The following ABCC4 variants were observed in gnomAD, a reference collection of about 807,000 sequenced individuals.
ABCC4 encodes the protein ATP binding cassette subfamily C member 4 (PEL blood group).
Under a neutral mutation model 168.5 loss-of-function variants are expected in ABCC4, and 102 were observed. That is an observed-to-expected ratio of 0.61 (90% CI 0.52 to 0.71). The LOEUF (loss-of-function observed/expected upper bound fraction) is 0.71, where lower values mean the gene tolerates loss of function less well. Ranked by LOEUF, ABCC4 falls within the 30% of genes least tolerant of loss-of-function variation. The pLI, the probability that ABCC4 is intolerant of heterozygous loss-of-function variation, is 0.00. For synonymous variants in ABCC4, 617 were observed against 590.7 expected (o/e 1.04, Z -0.65); for missense variants, 1,402 against 1,605.8 (o/e 0.87, Z 2.17).
At position 95,149,348 on chromosome 13, in the gene ABCC4, T is replaced by C. The variant is rs138480638; in HGVS notation, c.2455+11841A>G. Among the ~76,000 whole-genome samples the C allele has an allele frequency of 3.8e-3, 572 of 152,328 alleles. 4 individuals are homozygous for C. Among genetic ancestry groups the C allele is most frequent in the African/African-American group, 0.013 (549 of 41,584 alleles). ...CAATACAGTTCATTGGTAGAACTTA[T>C]TAAACTATACTTGACTCCCTTTTCA... On this transcript the variant is annotated intron_variant, in intron 19 of 30. Transcript: ENST00000645237.
chr13:95,202,565 CAATT>C (rs1480609292), intron 8 of ABCC4, among the ~76,000 whole-genome samples: 1 of 151,412 alleles, frequency 6.6e-6, no homozygotes, highest in African/African-American at 2.4e-5. Context: ...GCTCTTTGCC[CAATT>C]ATTTTTTATG....
intron 1 of ABCC4, among the ~76,000 whole-genome samples, chr13:95,256,032 A>C (rs2040383292): frequency 6.6e-6 from 1 of 152,238 alleles, no homozygotes; most frequent in South Asian, 2.1e-4. Flanking sequence ...TTCCTTAAAA[A>C]AAGATGCACT....
chr13:95,270,068 G>C (rs764339014), intron 1 of ABCC4, among the ~76,000 whole-genome samples: 10 of 152,116 alleles, frequency 6.6e-5, no homozygotes, highest in African/African-American at 1.4e-4. Context: ...GAGGATAAAG[G>C]AAGGGAGGGA....
At chr13:95,201,594 T>C (rs1418471965) in intron 8 of ABCC4, among the ~76,000 whole-genome samples, 1 of 152,122 alleles carries the variant, frequency 6.6e-6, no homozygotes. Context: ...GGGAAAGAAA[T>C]CTATAAACAA....
chr13:95,257,925 T>C (rs1256215684), intron 1 of ABCC4, among the ~76,000 whole-genome samples: 1 of 152,202 alleles, frequency 6.6e-6, no homozygotes, highest in African/African-American at 2.4e-5. Flanking sequence ...GTGTCTTTAA[T>C]TTAAGACATG....
At chr13:95,243,508 C>T (rs916772623) in intron 3 of ABCC4, among the ~76,000 whole-genome samples, 1 of 152,274 alleles carries the variant, frequency 6.6e-6, no homozygotes. Context: ...GTCTTAACAG[C>T]GTGGATGTTG....
intron 19 of ABCC4, among the ~76,000 whole-genome samples, chr13:95,136,464 C>T (rs74819421): frequency 0.01 from 1,531 of 152,278 alleles, 12 homozygotes; most frequent in Non-Finnish European, 0.016. Flanking sequence ...CAGATCTCAA[C>T]TTTGAAAAAA....
chr13:95,177,882 A>G, intron 12 of ABCC4, 89 bp from the exon 13 acceptor site: 1 of 1,503,238 alleles, frequency 6.7e-7, no homozygotes, highest in Non-Finnish European at 9.2e-7. Flanking sequence ...CAACAGAATA[A>G]CCCAAGAAGG....
At chr13:95,248,849 C>A (rs1355209018) in intron 1 of ABCC4, among the ~76,000 whole-genome samples, 1 of 152,114 alleles carries the variant, frequency 6.6e-6, no homozygotes, top group East Asian at 1.9e-4. Context: ...AAGCTCGAGA[C>A]CAGCCCGGCA....
intron 26 of ABCC4, among the ~76,000 whole-genome samples, chr13:95,062,195 A>G (rs1375263872): frequency 6.6e-6 from 1 of 152,186 alleles, no homozygotes; most frequent in Middle Eastern, 3.2e-3. Flanking sequence ...CCTGGTTAAA[A>G]TCATTCACCA....
intron 1 of ABCC4, among the ~76,000 whole-genome samples, chr13:95,258,818 C>T (rs1308746894): frequency 6.6e-6 from 1 of 152,192 alleles, no homozygotes; most frequent in East Asian, 1.9e-4. Flanking sequence ...TGAACAGATG[C>T]TCTAGCCTCA....
chr13:95,196,586 AAGGAAGGAAGGAAGG>A, intron 8 of ABCC4, among the ~76,000 whole-genome samples: 1 of 37,496 alleles, frequency 2.7e-5, no homozygotes, highest in Admixed American at 3.5e-4. Flanking sequence ...GGAAAGGAGG[AAGGAAGGAAGGAAGG>A]AAGGAAGGAA....
intron 19 of ABCC4, among the ~76,000 whole-genome samples, chr13:95,142,182 C>T (rs2036339986): frequency 6.6e-6 from 1 of 152,120 alleles, no homozygotes; most frequent in African/African-American, 2.4e-5. Context: ...TGGAACCAAC[C>T]CAAATGCCCA....
intron 15 of ABCC4, among the ~76,000 whole-genome samples, chr13:95,165,519 T>C (rs1359898875): frequency 6.6e-6 from 1 of 152,170 alleles, no homozygotes; most frequent in Non-Finnish European, 1.5e-5. Context: ...ATTCACATAC[T>C]CTGAAGATGT....
At position 95,278,258 on chromosome 13, in the gene ABCC4, G is replaced by A. The variant is rs921252998; in HGVS notation, c.74+22983C>T. 8.5e-5 allele frequency among the ~76,000 whole-genome samples: 13 copies of A among 152,216 alleles called. No homozygotes were observed. In the South Asian group the frequency reaches 1.2e-3, roughly 15 times the overall value. ...TATGCCCCATGGCTTTAGAGGGCCCGTATACCTTATGTATACTTCATATTA... is the reference window on the plus strand; with the variant it reads ...TATGCCCCATGGCTTTAGAGGGCCCATATACCTTATGTATACTTCATATTA... On this transcript the variant is annotated intron_variant, in intron 1 of 30. Transcript: ENST00000645237.
intron 19 of ABCC4, among the ~76,000 whole-genome samples, chr13:95,145,640 C>T (rs932358450): frequency 2.0e-5 from 3 of 148,966 alleles, no homozygotes; most frequent in Admixed American, 6.7e-5. Flanking sequence ...AAAAGAGACA[C>T]ATGCACTTGT....
At chr13:95,207,026 CAA>C (rs10597066) in intron 7 of ABCC4, among the ~76,000 whole-genome samples, 98,657 of 151,170 alleles carry the variant, frequency 0.65, 32,178 homozygotes, top group African/African-American at 0.69. Context: ...ATCCAAAAGC[CAA>C]AAAAAAAATA....
chr13:95,234,799 T>C lies in ABCC4; in HGVS notation c.342A>G (p.Gly114=), dbSNP rs568760961. 3.2e-5 allele frequency: 50 copies of C among 1,581,686 alleles called. No homozygotes were observed. The African/African-American group carries it at 6.2e-4, about 20-fold the overall frequency. ...AATTTTCAAAATAATTAATAATTTT[T>C]CCCAAAAATATGGGCTGGATTACTT... is the stretch of plus-strand genomic sequence containing the variant. ...SAKVIQPIFL[G]KIINYFENYD... is the part of the protein sequence containing the mutation. The change falls in exon 4 of 31, where the codon GGA becomes GGG. Residue 114 remains glycine, a synonymous_variant. Transcript: ENST00000645237.
intron 4 of ABCC4, among the ~76,000 whole-genome samples, chr13:95,219,001 A>AAGAAAGAAAAAAAGAG (rs1566540111): frequency 3.5e-5 from 4 of 115,602 alleles, no homozygotes; most frequent in Admixed American, 8.9e-5. Flanking sequence ...GAAAGAAAGA[A>AAGAAAGAAAAAAAGAG]AGAGTGAGAA....
Sources: allele counts gnomAD v4.1 joint callset (sites outside exome capture counted in the v4.1 genomes callset), GRCh38; gene constraint gnomAD v4.1.1; transcripts MANE v1.5; gene names NCBI Gene and HGNC (gene_info 2026-07-23, HGNC 2026-07-21).